The following NCOR2 variants were observed in gnomAD, a reference collection of about 807,000 sequenced individuals.
The protein encoded by NCOR2 is nuclear receptor corepressor 2.
A neutral mutation model predicts 262.9 loss-of-function variants in NCOR2; 81 were observed. That is an observed-to-expected ratio of 0.31 (90% CI 0.26 to 0.37). The LOEUF (loss-of-function observed/expected upper bound fraction) is 0.37. Among genes scored for constraint, NCOR2 ranks in the 10% least tolerant of loss-of-function variants. The pLI is 1.00. For missense variants in NCOR2, 3,385 were observed against 3,621.4 expected (o/e 0.93, Z 1.68); for synonymous variants, 1,659 against 1,559.3 (o/e 1.06, Z -1.51).
Position 124,356,631 on chromosome 12 carries a change from GA to G in NCOR2, c.3241+10del. 2.1e-6 allele frequency: 3 copies of G among 1,429,020 alleles called. No homozygotes were observed. The South Asian group carries it at 5.1e-5, about 24-fold the overall frequency. 88.5% of individuals were successfully genotyped at this position (1,429,020 alleles called of 1,614,324 possible). On this transcript the variant is annotated intron_variant, in intron 23 of 46. Coordinates refer to ENST00000405201, the Ensembl canonical transcript of NCOR2. ...GGCTGAAGAAGCCCAAGCTCGGGCG[GA>G]GCTACTTACCAGGTGGAGCGTAGGA...
At chr12:124,498,442 C>G (rs546346194), upstream of NCOR2, among the ~76,000 whole-genome samples, 10 of 152,330 alleles carry the variant, frequency 6.6e-5, no homozygotes, top group South Asian at 1.7e-3. Context: ...ACCAGCCCCC[C>G]ACCCAGCGCC....
intron 38 of NCOR2, 114 bp from the exon 41 acceptor site, chr12:124,335,746 G>A: frequency 1.6e-6 from 2 of 1,239,558 alleles, no homozygotes; most frequent in East Asian, 5.0e-5. Flanking sequence ...GGGAACCCAA[G>A]CTAGGGGTAG....
chr12:124,561,713 C>T (rs1430027130), intron 1 of NCOR2, among the ~76,000 whole-genome samples: 1 of 152,020 alleles, frequency 6.6e-6, no homozygotes, highest in East Asian at 1.9e-4. Flanking sequence ...AGAAAACACG[C>T]ATGAAAAGGG....
intron 8 of NCOR2, 97 bp downstream of exon 10, chr12:124,437,833 T>C: frequency 9.3e-7 from 1 of 1,070,574 alleles, no homozygotes; most frequent in South Asian, 1.4e-5. Context: ...AGGACACAGC[T>C]GCGGAACTGA....
chr12:124,505,377 C>A (rs2048988685), intron 1 of NCOR2, among the ~76,000 whole-genome samples: 1 of 152,236 alleles, frequency 6.6e-6, no homozygotes, highest in Non-Finnish European at 1.5e-5. Flanking sequence ...CTGTCTCCCC[C>A]ACCAGGCAGG....
chr12:124,374,570 T>C, intron 18 of NCOR2, 107 bp from the exon 21 acceptor site: 23 of 1,032,962 alleles, frequency 2.2e-5, no homozygotes, highest in African/African-American at 6.3e-5. Flanking sequence ...TGCACAGCAG[T>C]GAGGCCTCGC....
At chr12:124,479,182 C>A (rs1243107268) in intron 3 of NCOR2, among the ~76,000 whole-genome samples, 1 of 152,246 alleles carries the variant, frequency 6.6e-6, no homozygotes, top group South Asian at 2.1e-4. Flanking sequence ...GGGTTGGTCA[C>A]CCTCCAAGGC....
chr12:124,444,251 T>C (rs1352245857), intron 7 of NCOR2, among the ~76,000 whole-genome samples: 1 of 152,022 alleles, frequency 6.6e-6, no homozygotes, highest in African/African-American at 2.4e-5. Flanking sequence ...TCTGGAGGCA[T>C]GGGGTAAGCA....
intron 23 of NCOR2, 40 bp from the exon 26 acceptor site, chr12:124,355,611 G>A (rs781403309): frequency 5.2e-5 from 78 of 1,512,106 alleles, no homozygotes; most frequent in African/African-American, 7.0e-5. Flanking sequence ...GCCCAGGAGC[G>A]GTCACGTCCC....
chr12:124,338,462 C>T (rs1026060458), intron 37 of NCOR2, among the ~76,000 whole-genome samples: 1 of 148,028 alleles, frequency 6.8e-6, no homozygotes, highest in Non-Finnish European at 1.5e-5. Flanking sequence ...AAGCAGAGAT[C>T]GTACCACTGC....
intron 1 of NCOR2, among the ~76,000 whole-genome samples, chr12:124,524,950 G>A (rs940817762): frequency 2.6e-5 from 4 of 152,194 alleles, no homozygotes; most frequent in East Asian, 1.9e-4. Context: ...ACATGAGTCC[G>A]GAACATGCCA....
At chr12:124,491,650 C>T (rs2048088717) in intron 1 of NCOR2, among the ~76,000 whole-genome samples, 1 of 152,134 alleles carries the variant, frequency 6.6e-6, no homozygotes, top group Non-Finnish European at 1.5e-5. Context: ...TGGAGGAGCT[C>T]AGGAGTGTTC....
In NCOR2 at chr12:124,354,864, G is replaced by T. The variant is rs747807076; in HGVS notation, c.3457C>A (p.Pro1153Thr). Residue 1153 changes from proline to threonine, a missense_variant, in exon 25 of 47, where the codon CCC (proline) becomes ACC (threonine). Transcript: ENST00000405201. ...AGCTTTTTGGGGTCCATGGGCAGGG[G>T]CAGCCCCATGGTGACAGGGCCCACC... The T allele has an allele frequency of 3.1e-6, 5 of 1,612,850 alleles. No individual in the cohort carries two copies. In the East Asian group the frequency reaches 1.1e-4, roughly 36 times the overall value.
chr12:124,414,749 T>C (rs941324867), intron 13 of NCOR2, among the ~76,000 whole-genome samples: 5 of 152,132 alleles, frequency 3.3e-5, no homozygotes, highest in South Asian at 4.1e-4. Flanking sequence ...GTGGGCTCAC[T>C]GGCTGGGAAG....
chr12:124,502,349 T>C (rs1012346245), intron 1 of NCOR2, among the ~76,000 whole-genome samples: 20 of 152,154 alleles, frequency 1.3e-4, no homozygotes, highest in Admixed American at 1.3e-3. Flanking sequence ...CCCCACCTCG[T>C]GAAGCTGCCA....
intron 19 of NCOR2, among the ~76,000 whole-genome samples, chr12:124,372,933 G>A (rs2039618050): frequency 6.6e-6 from 1 of 152,186 alleles, no homozygotes; most frequent in South Asian, 2.1e-4. Context: ...GGTGGCCGTG[G>A]GCAAAGGCCT....
intron 2 of NCOR2, 43 bp downstream of exon 4, chr12:124,486,390 TGAGAAGGA>T (rs1315493136): frequency 1.9e-6 from 3 of 1,601,374 alleles, no homozygotes; most frequent in Non-Finnish European, 2.6e-6. Context: ...CTTCTCCATC[TGAGAAGGA>T]GCTCTCACGC....
At chr12:124,550,733 G>C (rs2051689003) in intron 1 of NCOR2, among the ~76,000 whole-genome samples, 1 of 152,156 alleles carries the variant, frequency 6.6e-6, no homozygotes, top group Admixed American at 6.5e-5. Context: ...CTGGCCCTGG[G>C]TGGCTCCACT....
upstream of NCOR2, among the ~76,000 whole-genome samples, chr12:124,497,070 G>A (rs1356943991): frequency 6.6e-6 from 1 of 152,208 alleles, no homozygotes; most frequent in Non-Finnish European, 1.5e-5. This position sits in a 1 kb window ranked among gnomAD's most constrained non-coding sequence, Gnocchi z 4.2. Context: ...ACTTCATTAG[G>A]GGAGCCAGGG....
Sources: gnomAD v4.1 joint callset for allele counts (sites outside exome capture counted in the v4.1 genomes callset) on GRCh38, gnomAD v4.1.1 for gene constraint, Gnocchi (gnomAD v3.1) non-coding constraint, MANE v1.5 for transcripts, NCBI Gene and HGNC (gene_info 2026-07-23, HGNC 2026-07-21) for gene names.